FREM2: variants seen among roughly 807,000 people sequenced by gnomAD.
FREM2 encodes the protein FRAS1-related extracellular matrix protein 2.
In FREM2, 119 loss-of-function variants were observed where a neutral mutation model predicts 219.9. The ratio of observed to expected loss-of-function variants is 0.54; its 90% CI spans 0.47 to 0.63. The LOEUF (loss-of-function observed/expected upper bound fraction) is 0.63. FREM2 is among the 30% of genes least tolerant of loss of function. The pLI, the probability that FREM2 is intolerant of heterozygous loss-of-function variation, is 0.00. For missense variants in FREM2, 4,030 were observed against 3,993.6 expected (o/e 1.01, Z -0.25); for synonymous variants, 1,562 against 1,522.8 (o/e 1.03, Z -0.60).
Position 38,881,141 on chromosome 13 carries a change from G to T in FREM2, c.*354G>T. ...CTTACAAGTGTAAGAGGAATCTACT[G>T]TTGCTATGTTAGTGTGAATGTTGAA... On this transcript the variant is annotated 3_prime_UTR_variant, in exon 24 of 24. Coordinates refer to ENST00000280481, the MANE Select transcript of FREM2 (RefSeq NM_207361.6). The T allele has an allele frequency of 3.0e-6, 1 of 332,422 alleles. No individual in the cohort carries two copies. The highest frequency in any genetic ancestry group is 3.0e-5 in the South Asian group (1 of 33,520). 20.6% of individuals were successfully genotyped at this position (332,422 alleles called of 1,614,324 possible).
chr13:38,747,497 TACACAC>T lies in FREM2; in HGVS notation c.5264-16787_5264-16782del, dbSNP rs35415652. ...TATATGTATAATATATATACACAAA[TACACAC>T]ACACACACACACACACACATTTATG... On this transcript the variant is annotated intron_variant, in intron 2 of 23. Transcript: ENST00000280481. 2.6e-4 allele frequency among the ~76,000 whole-genome samples: 38 copies of T among 146,648 alleles called. No individual in the cohort carries two copies. In the South Asian group the frequency reaches 2.7e-3, roughly 11 times the overall value.
At chr13:38,835,337 T>G (rs1876668257) in intron 6 of FREM2, among the ~76,000 whole-genome samples, 1 of 152,228 alleles carries the variant, frequency 6.6e-6, no homozygotes, top group African/African-American at 2.4e-5. Context: ...ATCATGCTGT[T>G]TTTGTTGCCA....
At chr13:38,771,192 T>C (rs1448392994) in intron 4 of FREM2, among the ~76,000 whole-genome samples, 3 of 152,240 alleles carry the variant, frequency 2.0e-5, no homozygotes, top group East Asian at 1.9e-4. Context: ...AGTTCAATTA[T>C]GTTTGTAATT....
intron 7 of FREM2, among the ~76,000 whole-genome samples, 163 bp from the exon 8 acceptor site, chr13:38,848,298 A>G (rs1877236912): frequency 6.6e-6 from 1 of 152,224 alleles, no homozygotes. Flanking sequence ...GTAGTTATCC[A>G]GATACTAATC....
chr13:38,815,246 C>G (rs989500230), intron 6 of FREM2, among the ~76,000 whole-genome samples: 2 of 152,118 alleles, frequency 1.3e-5, no homozygotes, highest in African/African-American at 4.8e-5. Flanking sequence ...TTCCTTGTAT[C>G]TGGCTGTTTC....
Position 38,872,885 on chromosome 13 carries a change from C to T in FREM2, c.8127C>T (p.Ala2709=). The T allele has an allele frequency of 6.2e-7, 1 of 1,613,978 alleles. No individual in the cohort carries two copies. The highest frequency in any genetic ancestry group is 8.5e-7 in the Non-Finnish European group (1 of 1,179,912). ...ELRLTFVYDT[A]ILWNDGIGSP... ...GTCTAACTTTTGTGTACGACACCGC[C>T]ATCTTGTGGAATGATGGAATTGGCA... Residue 2709 remains alanine, a synonymous_variant, in exon 17 of 24, where the codon GCC becomes GCT. Coordinates refer to ENST00000280481, the MANE Select transcript of FREM2 (RefSeq NM_207361.6).
chr13:38,794,104 T>C (rs1360727506), intron 6 of FREM2, among the ~76,000 whole-genome samples: 1 of 152,138 alleles, frequency 6.6e-6, no homozygotes, highest in Non-Finnish European at 1.5e-5. Context: ...GCTCTCTCTA[T>C]GGATAATGAT....
intron 6 of FREM2, among the ~76,000 whole-genome samples, chr13:38,814,358 A>G (rs926714674): frequency 6.6e-6 from 1 of 152,230 alleles, no homozygotes; most frequent in Non-Finnish European, 1.5e-5. Flanking sequence ...CCAAGTATTC[A>G]AAGGCACTTG....
At chr13:38,752,810 A>G (rs996053510) in intron 2 of FREM2, among the ~76,000 whole-genome samples, 3 of 152,198 alleles carry the variant, frequency 2.0e-5, no homozygotes, top group Non-Finnish European at 1.5e-5. Flanking sequence ...CTCACTTCAC[A>G]GAGAATTAAC....
At chr13:38,828,714 C>T (rs2137885885) in intron 6 of FREM2, among the ~76,000 whole-genome samples, 1 of 147,196 alleles carries the variant, frequency 6.8e-6, no homozygotes, top group African/African-American at 2.7e-5. Flanking sequence ...GACCATGTCT[C>T]TTAATAATAA....
intron 2 of FREM2, among the ~76,000 whole-genome samples, chr13:38,709,986 TACACACACACACAC>T (rs59108347): frequency 0.048 from 6,261 of 130,364 alleles, 438 homozygotes; most frequent in African/African-American, 0.16. Context: ...TAACTAAAAA[TACACACACACACAC>T]ACACACACAC....
chr13:38,872,641 C>T (rs980126057), intron 16 of FREM2, 101 bp from the exon 17 acceptor site: 1 of 952,418 alleles, frequency 1.0e-6, no homozygotes, highest in Admixed American at 1.9e-5. Flanking sequence ...AATGATTACT[C>T]AAAATCTTCA....
At chr13:38,758,261 T>G (rs1033516041) in intron 2 of FREM2, among the ~76,000 whole-genome samples, 2 of 152,162 alleles carry the variant, frequency 1.3e-5, no homozygotes, top group Non-Finnish European at 2.9e-5. Context: ...TCTTTGAAGT[T>G]CCTTTTTATT....
intron 6 of FREM2, among the ~76,000 whole-genome samples, chr13:38,805,217 A>G (rs1173013707): frequency 6.6e-6 from 1 of 150,648 alleles, no homozygotes; most frequent in Non-Finnish European, 1.5e-5. Flanking sequence ...TATTAATGAT[A>G]TAGCAGTGTA....
chr13:38,718,764 A>G (rs1684641529), intron 2 of FREM2, among the ~76,000 whole-genome samples: 1 of 152,174 alleles, frequency 6.6e-6, no homozygotes, highest in African/African-American at 2.4e-5. Flanking sequence ...TCATTGCAAG[A>G]TTTATGGTGG....
In FREM2 at chr13:38,772,297, G is replaced by A. The variant is rs549738241; in HGVS notation, c.5641+2489G>A. ...ATCTCTGCTGTCAAAGACCACAGGG[G>A]ATGGGAAAGAGAGCCCTTTAACTTA... On this transcript the variant is annotated intron_variant, in intron 4 of 23. Coordinates refer to ENST00000280481, the MANE Select transcript of FREM2 (RefSeq NM_207361.6). Among the ~76,000 whole-genome samples the A allele has an allele frequency of 1.5e-3, 223 of 152,284 alleles. 1 individual carries two copies. Among genetic ancestry groups the A allele is most frequent in the African/African-American group, 5.1e-3 (213 of 41,556 alleles).
At chr13:38,854,214 A>G (rs1053134218) in intron 11 of FREM2, among the ~76,000 whole-genome samples, 1 of 151,788 alleles carries the variant, frequency 6.6e-6, no homozygotes, top group Non-Finnish European at 1.5e-5. Context: ...AATGTGAATG[A>G]GAAAACTTGA....
At position 38,864,496 on chromosome 13, in the gene FREM2, C is replaced by T. The variant is rs115492820; in HGVS notation, c.7873C>T (p.Arg2625Cys). The stretch of plus-strand genomic sequence containing the variant: ...GTCCATCAGAGGTTCCACTACCTTG[C>T]GCTTCTACCGGAACCTGAACCTAGA... The part of the protein sequence containing the change: ...SLSIRGSTTL[R>C]FYRNLNLEAC... Residue 2625 changes from arginine (R) to cysteine (C), a missense_variant, in exon 16 of 24, where the codon CGC (arginine) becomes TGC (cysteine). By Grantham distance (180) the Arg-to-Cys change is radical. This residue lies in a region of FREM2 where 928 missense variants were observed against 1,042.9 expected (regional missense o/e 0.89). Coordinates refer to ENST00000280481, the MANE Select transcript of FREM2 (RefSeq NM_207361.6). 18 of 1,613,990 alleles carry T rather than the reference C, an allele frequency of 1.1e-5. No individual in the cohort carries two copies. Among genetic ancestry groups the T allele is most frequent in the East Asian group, 8.9e-5 (4 of 44,896 alleles).
intron 8 of FREM2, 129 bp from the exon 9 acceptor site, chr13:38,849,909 G>A: frequency 2.6e-6 from 2 of 773,044 alleles, no homozygotes; most frequent in Non-Finnish European, 4.4e-6. Flanking sequence ...ATATTGGCAA[G>A]TGACTGAATG....
Sources: gnomAD v4.1 joint callset for allele counts (sites outside exome capture counted in the v4.1 genomes callset) on GRCh38, gnomAD v4.1.1 for gene constraint, gnomAD v4.1.1 regional missense constraint, MANE v1.5 for transcripts, NCBI Gene and HGNC (gene_info 2026-07-23, HGNC 2026-07-21) for gene names.